Variants in FAM53A observed in about 807,000 individuals in gnomAD.
FAM53A encodes the protein protein FAM53A.
FAM53A carries 28 observed loss-of-function variants against 26.6 expected under a neutral mutation model. The ratio of observed to expected loss-of-function variants is 1.05; its 90% confidence interval spans 0.78 to 1.45. FAM53A has a LOEUF of 1.45. FAM53A is among the 40% of genes most tolerant of loss of function. The pLI, the probability that FAM53A is intolerant of heterozygous loss-of-function variation, is 0.00. For missense variants in FAM53A, 650 were observed against 575.8 expected (o/e 1.13, Z -1.32); for synonymous variants, 290 against 253.1 (o/e 1.15, Z -1.38).
chr4:1,640,873 T>C lies in FAM53A; in HGVS notation c.*420A>G, dbSNP rs1317123340. ...ACCAGCTCACAGGAAACCTACTCTG[T>C]GCCCTGGGGCAGGTGCAGGCAGCAG... On this transcript the variant is annotated 3_prime_UTR_variant, in exon 5 of 5. Transcript: ENST00000308132. The C allele has an allele frequency of 1.2e-5, 5 of 400,442 alleles. No homozygotes were observed. Among genetic ancestry groups the C allele is most frequent in the East Asian group, 1.7e-4 (2 of 11,934 alleles). The allele number at this position is 400,442 out of a possible 1,614,324, so 24.8% of individuals were successfully genotyped here.
intron 4 of FAM53A, among the ~76,000 whole-genome samples, chr4:1,654,312 T>C (rs970315264): frequency 6.6e-6 from 1 of 152,214 alleles, no homozygotes; most frequent in African/African-American, 2.4e-5. Context: ...TGCACTCCCT[T>C]AGTAACACAG....
At chr4:1,670,690 G>A (rs1714575916) in intron 1 of FAM53A, among the ~76,000 whole-genome samples, 2 of 152,224 alleles carry the variant, frequency 1.3e-5, no homozygotes, top group South Asian at 4.1e-4. Context: ...CGTGCACTGG[G>A]CTAGGGTCAG....
At chr4:1,647,528 C>T (rs967661070) in intron 4 of FAM53A, among the ~76,000 whole-genome samples, 3 of 152,096 alleles carry the variant, frequency 2.0e-5, no homozygotes, top group Non-Finnish European at 2.9e-5. Flanking sequence ...GGATGATCGC[C>T]GAACGGTCCC....
intron 1 of FAM53A, among the ~76,000 whole-genome samples, chr4:1,634,385 A>T (rs1715746440): frequency 6.6e-6 from 1 of 152,124 alleles, no homozygotes; most frequent in African/African-American, 2.4e-5. Context: ...GAAGGGGCAG[A>T]GTCAGCCCTG....
At chr4:1,585,231 T>C in the FAM53A span, among the ~76,000 whole-genome samples, 309 of 151,972 alleles carry the variant, frequency 2.0e-3, 2 homozygotes, top group African/African-American at 7.2e-3. Flanking sequence ...TAACTGAAAT[T>C]TTGTACCTTT....
At chr4:1,682,609 T>A (rs1258214164) in intron 1 of FAM53A, among the ~76,000 whole-genome samples, 1 of 152,148 alleles carries the variant, frequency 6.6e-6, no homozygotes, top group African/African-American at 2.4e-5. Context: ...AATGCACCGG[T>A]GAAAAATACC....
At chr4:1,622,500 G>A (rs757488714) in intron 1 of FAM53A, among the ~76,000 whole-genome samples, 3 of 152,232 alleles carry the variant, frequency 2.0e-5, no homozygotes, top group Non-Finnish European at 2.9e-5. Context: ...CACTGCCGCT[G>A]AGGGGCCGCC....
chr4:1,665,087 G>A (rs987171269), intron 2 of FAM53A, among the ~76,000 whole-genome samples: 3 of 150,966 alleles, frequency 2.0e-5, no homozygotes, highest in Non-Finnish European at 4.4e-5. Flanking sequence ...GGCTGAGGTG[G>A]GTGGATCACT....
chr4:1,669,896 C>T (rs150903185), intron 1 of FAM53A, among the ~76,000 whole-genome samples: 1,851 of 152,326 alleles, frequency 0.012, 33 homozygotes, highest in African/African-American at 0.042. Flanking sequence ...CCAGGGTGTG[C>T]GTCCTCAGCT....
At chr4:1,660,944 C>T (rs1008431529) in intron 2 of FAM53A, among the ~76,000 whole-genome samples, 6 of 152,080 alleles carry the variant, frequency 3.9e-5, no homozygotes, top group Non-Finnish European at 8.8e-5. Context: ...CAGCCTGTAT[C>T]TGCACAGCTG....
At chr4:1,654,315 T>C (rs62287699) in intron 4 of FAM53A, among the ~76,000 whole-genome samples, 3,599 of 152,316 alleles carry the variant, frequency 0.024, 67 homozygotes, top group Non-Finnish European at 0.034. Flanking sequence ...ACTCCCTTAG[T>C]AACACAGAGC....
chr4:1,679,178 A>T (rs1329981688), intron 1 of FAM53A, among the ~76,000 whole-genome samples: 1 of 152,184 alleles, frequency 6.6e-6, no homozygotes, highest in Non-Finnish European at 1.5e-5. Flanking sequence ...CAACAATAAG[A>T]AAACAACCCC....
chr4:1,603,838 G>A, the FAM53A span, among the ~76,000 whole-genome samples: 6 of 152,224 alleles, frequency 3.9e-5, no homozygotes, highest in Non-Finnish European at 7.3e-5. Context: ...CTCAGAGGCT[G>A]GCAGGCGTCC....
chr4:1,684,574 C>G (rs1186421317), upstream of FAM53A, among the ~76,000 whole-genome samples: 1 of 151,766 alleles, frequency 6.6e-6, no homozygotes, highest in Non-Finnish European at 1.5e-5. Context: ...GCCTGGCACT[C>G]GGCGGCGTCC....
intron 1 of FAM53A, among the ~76,000 whole-genome samples, chr4:1,626,620 G>A (rs1182198536): frequency 6.6e-6 from 1 of 151,740 alleles, no homozygotes; most frequent in Non-Finnish European, 1.5e-5. Context: ...TGCATCTGGG[G>A]GACCCGGGAC....
At chr4:1,672,967 G>A (rs963867070) in intron 1 of FAM53A, among the ~76,000 whole-genome samples, 7 of 151,844 alleles carry the variant, frequency 4.6e-5, no homozygotes, top group Admixed American at 2.6e-4. Context: ...ACAGCATTTC[G>A]CCATGTTGGC....
chr4:1,649,687 G>A (rs1380711601), intron 4 of FAM53A, among the ~76,000 whole-genome samples: 1 of 152,264 alleles, frequency 6.6e-6, no homozygotes, highest in African/African-American at 2.4e-5. Flanking sequence ...AAAGCCACAT[G>A]GGTGAACTTA....
chr4:1,672,260 C>A (rs938457224), intron 1 of FAM53A, among the ~76,000 whole-genome samples: 9 of 148,624 alleles, frequency 6.1e-5, no homozygotes, highest in Admixed American at 6.7e-5. Context: ...CAGGGACCCA[C>A]AGACCCACAA....
At chr4:1,676,918 G>A (rs1411801960) in intron 1 of FAM53A, among the ~76,000 whole-genome samples, 2 of 152,194 alleles carry the variant, frequency 1.3e-5, no homozygotes, top group African/African-American at 4.8e-5. Flanking sequence ...CAAGTGCAAA[G>A]TTTCTGCCTA....
Sources: gnomAD v4.1 joint callset for allele counts (sites outside exome capture counted in the v4.1 genomes callset) on GRCh38, gnomAD v4.1.1 for gene constraint, MANE v1.5 for transcripts, NCBI Gene and HGNC (gene_info 2026-07-23, HGNC 2026-07-21) for gene names.